The following NFATC2 variants were observed in gnomAD, a reference collection of about 807,000 sequenced individuals.
NFATC2 encodes nuclear factor of activated T cells 2.
A neutral mutation model predicts 87.3 loss-of-function variants in NFATC2; 22 were observed. That is an observed-to-expected ratio of 0.25 (90% CI 0.18 to 0.36). NFATC2 has a LOEUF of 0.36. Among genes scored for constraint, NFATC2 ranks in the 10% least tolerant of loss-of-function variants. The pLI, the probability that NFATC2 is intolerant of heterozygous loss-of-function variation, is 1.00. For missense variants in NFATC2, 1,149 were observed against 1,259.1 expected (o/e 0.91, Z 1.32); for synonymous variants, 565 against 542.2 (o/e 1.04, Z -0.58).
At chr20:51,510,993 G>A (rs766214303) in intron 3 of NFATC2, among the ~76,000 whole-genome samples, 1 of 152,136 alleles carries the variant, frequency 6.6e-6, no homozygotes. Flanking sequence ...TCAACCCAAA[G>A]TTTGATTTAT....
At chr20:51,453,893 T>G (rs1054493718) in intron 6 of NFATC2, among the ~76,000 whole-genome samples, 1 of 152,220 alleles carries the variant, frequency 6.6e-6, no homozygotes, top group Non-Finnish European at 1.5e-5. Context: ...AAAATTCCAC[T>G]GCTGGGAATA....
intron 3 of NFATC2, among the ~76,000 whole-genome samples, chr20:51,491,854 C>T (rs2075890720): frequency 6.9e-6 from 1 of 144,652 alleles, no homozygotes; most frequent in Admixed American, 7.1e-5. Flanking sequence ...ACAGCCCCAC[C>T]CCCACCAACA....
intron 3 of NFATC2, among the ~76,000 whole-genome samples, chr20:51,496,253 T>G (rs1197394146): frequency 6.6e-6 from 1 of 152,138 alleles, no homozygotes; most frequent in Non-Finnish European, 1.5e-5. Context: ...CAACTTGGTA[T>G]GAGAAATTTC....
rs1055707025 is a variant in NFATC2 at position 51,524,835 on chromosome 20, A to T, written c.131-725T>A. ...AAGGCCCACCGAAAGATACGGAATT[A>T]GCAGGCTTAAAAATACCACAGGCAA... On this transcript the variant is annotated intron_variant, in intron 1 of 10. Coordinates refer to ENST00000371564, the MANE Select transcript of NFATC2 (RefSeq NM_012340.5). The surrounding 1 kb of genome is among the most constrained non-coding windows in gnomAD (Gnocchi z 4.0). Among the ~76,000 whole-genome samples the T allele has an allele frequency of 6.6e-6, 1 of 152,186 alleles. No individual in the cohort carries two copies. The highest frequency in any genetic ancestry group is 2.4e-5 in the African/African-American group (1 of 41,428).
chr20:51,440,894 G>T (rs752597685), intron 6 of NFATC2, among the ~76,000 whole-genome samples: 1 of 152,192 alleles, frequency 6.6e-6, no homozygotes, highest in Non-Finnish European at 1.5e-5. Flanking sequence ...ACTCCACCCC[G>T]CATCCACGGG....
intron 9 of NFATC2, among the ~76,000 whole-genome samples, chr20:51,416,054 G>C (rs1238502191): frequency 6.6e-6 from 1 of 152,060 alleles, no homozygotes; most frequent in Non-Finnish European, 1.5e-5. Flanking sequence ...TTGATGTCAG[G>C]AGTTCAAGAC....
chr20:51,407,170 T>C (rs565544866), intron 9 of NFATC2, among the ~76,000 whole-genome samples: 1 of 152,290 alleles, frequency 6.6e-6, no homozygotes, highest in East Asian at 1.9e-4. Context: ...CCTTAGACGT[T>C]TGGAGGGCTC....
At chr20:51,435,115 G>T (rs919608440) in intron 8 of NFATC2, 73 bp downstream of exon 8, 21 of 1,570,818 alleles carry the variant, frequency 1.3e-5, no homozygotes, top group Admixed American at 1.8e-5. Flanking sequence ...GCTAGGAGCA[G>T]ACTTCAGGAG....
At chr20:51,535,093 G>C (rs542797271) in intron 1 of NFATC2, among the ~76,000 whole-genome samples, 37 of 152,298 alleles carry the variant, frequency 2.4e-4, no homozygotes, top group African/African-American at 8.9e-4. Context: ...GCATGACAGA[G>C]AACAGACCTC....
intron 9 of NFATC2, among the ~76,000 whole-genome samples, chr20:51,430,716 A>G (rs750002141): frequency 6.6e-6 from 1 of 152,208 alleles, no homozygotes; most frequent in African/African-American, 2.4e-5. Context: ...GACGTTTTGT[A>G]GAGTAAAGGT....
intron 1 of NFATC2, among the ~76,000 whole-genome samples, chr20:51,532,292 G>C (rs2076646181): frequency 6.6e-6 from 1 of 152,100 alleles, no homozygotes; most frequent in South Asian, 2.1e-4. Context: ...GCAGAGCCAA[G>C]ATTCATTCTC....
At chr20:51,527,717 G>T (rs1351472258) in intron 1 of NFATC2, among the ~76,000 whole-genome samples, 1 of 152,226 alleles carries the variant, frequency 6.6e-6, no homozygotes, top group Non-Finnish European at 1.5e-5. Context: ...TAACTCTAGA[G>T]AGGGTCATTT....
chr20:51,540,337 T>C lies in NFATC2; in HGVS notation c.130+2033A>G, dbSNP rs373820521. On this transcript the variant is annotated intron_variant, in intron 1 of 10. Transcript: ENST00000371564. ...TGGATAGTACATACTCTTGATACGA[T>C]GTGATGAGAAGGGAGCTTTATCTTT... Among the ~76,000 whole-genome samples, 4 of 152,152 alleles carry C rather than the reference T, an allele frequency of 2.6e-5. No homozygotes were observed. The South Asian group carries it at 6.2e-4, about 24-fold the overall frequency.
chr20:51,432,887 T>A lies in NFATC2; in HGVS notation c.2033-131A>T. 1.3e-6 allele frequency: 1 copy of A among 745,344 alleles called. No homozygotes were observed. The highest frequency in any genetic ancestry group is 2.0e-6 in the Non-Finnish European group (1 of 510,452). The allele number at this position is 745,344 out of a possible 1,614,324, so 46.2% of individuals were successfully genotyped here. On this transcript the variant is annotated intron_variant, in intron 8 of 10. Coordinates refer to ENST00000371564, the MANE Select transcript of NFATC2 (RefSeq NM_012340.5). This position sits in a 1 kb window ranked among gnomAD's most constrained non-coding sequence, Gnocchi z 4.6. The stretch of plus-strand genomic sequence containing the variant: ...GGGTGGGACAAACAGCTGGTCCCTG[T>A]CACTTATCAGCCTTGGGCAAAAGGC...
intron 2 of NFATC2, among the ~76,000 whole-genome samples, chr20:51,520,856 C>T (rs6096458): frequency 0.011 from 1,669 of 152,036 alleles, 32 homozygotes; most frequent in African/African-American, 0.038. Context: ...GACAGGGTTT[C>T]TCCATGTCGG....
chr20:51,552,481 T>A (rs2076942636), intron 1 of NFATC2, among the ~76,000 whole-genome samples: 1 of 152,180 alleles, frequency 6.6e-6, no homozygotes, highest in Non-Finnish European at 1.5e-5. Flanking sequence ...TGCACTCCAA[T>A]CTATCATCTC....
chr20:51,482,367 CTTT>C (rs11476808), intron 3 of NFATC2, among the ~76,000 whole-genome samples: 1 of 149,330 alleles, frequency 6.7e-6, no homozygotes. Context: ...CTTGCTGTTC[CTTT>C]TTTTTTTTGG....
chr20:51,413,960 T>C (rs1979659335), intron 9 of NFATC2, among the ~76,000 whole-genome samples: 1 of 152,182 alleles, frequency 6.6e-6, no homozygotes, highest in Non-Finnish European at 1.5e-5. Flanking sequence ...TGGTAAACAG[T>C]AAACATCTAA....
intron 5 of NFATC2, among the ~76,000 whole-genome samples, chr20:51,455,814 GGGTGGATGGATGAATTGATGGGT>G (rs1986391927): frequency 6.9e-5 from 2 of 28,934 alleles, no homozygotes; most frequent in East Asian, 7.8e-4. Flanking sequence ...GTGGGTGGGT[GGGTGGATGGATGAATTGATGGGT>G]GGGTGGGTGG....
Sources: gnomAD v4.1 joint callset for allele counts (sites outside exome capture counted in the v4.1 genomes callset) on GRCh38, gnomAD v4.1.1 for gene constraint, Gnocchi (gnomAD v3.1) non-coding constraint, MANE v1.5 for transcripts, NCBI Gene and HGNC (gene_info 2026-07-23, HGNC 2026-07-21) for gene names.